The following LRRN2 variants were observed in gnomAD, a reference collection of about 807,000 sequenced individuals.
LRRN2 encodes leucine rich repeat neuronal 2, also known as leucine-rich repeat neuronal protein 2.
Under a neutral mutation model 35.7 loss-of-function variants are expected in LRRN2, and 10 were observed. That is an observed-to-expected ratio of 0.28 (90% confidence interval 0.17 to 0.47). The LOEUF is 0.47. Among genes scored for constraint, LRRN2 ranks in the 20% least tolerant of loss-of-function variants. LRRN2 has a pLI of 0.99. For missense variants in LRRN2, 731 were observed against 940.3 expected (o/e 0.78, Z 2.91); for synonymous variants, 391 against 409.6 (o/e 0.95, Z 0.55).
At chr1:204,636,265 T>C (rs1667831400) in intron 1 of LRRN2, among the ~76,000 whole-genome samples, 2 of 152,104 alleles carry the variant, frequency 1.3e-5, no homozygotes, top group African/African-American at 4.8e-5. Context: ...TAAATACACA[T>C]TGGATAATGA....
chr1:204,673,447 G>A (rs1184084386), intron 1 of LRRN2, among the ~76,000 whole-genome samples: 1 of 152,190 alleles, frequency 6.6e-6, no homozygotes, highest in African/African-American at 2.4e-5. Flanking sequence ...TAAGTGAAAT[G>A]AGGCTCAATG....
At chr1:204,657,337 T>TACACACACACACACACAC (rs201153877) in intron 1 of LRRN2, among the ~76,000 whole-genome samples, 11 of 106,568 alleles carry the variant, frequency 1.0e-4, no homozygotes, top group African/African-American at 4.8e-4. Flanking sequence ...TATATATGTA[T>TACACACACACACACACAC]ATATACACAC....
intron 1 of LRRN2, among the ~76,000 whole-genome samples, chr1:204,652,318 C>T (rs1236862278): frequency 1.4e-5 from 2 of 147,460 alleles, no homozygotes; most frequent in African/African-American, 5.0e-5. Context: ...CAGCTGCAGG[C>T]GCCTTGACAT....
rs1158942973 is a variant in LRRN2, at chr1:204,618,338, A to T, written c.1655T>A (p.Val552Glu). ...ACTGGACCAGGTGAGGTTGGTGGACACTGTGTTGGGTGGGGTGACCCAAGA... is the reference window on the plus strand; with the variant it reads ...ACTGGACCAGGTGAGGTTGGTGGACTCTGTGTTGGGTGGGGTGACCCAAGA... ...LLSWVTPPNT[V>E]STNLTWSSAS... The change falls in exon 2 of 2, where the codon GTG becomes GAG. Residue 552 changes from valine (V) to glutamate (E), a missense_variant. This residue lies in a region of LRRN2 where 229 missense variants were observed against 258.4 expected (regional missense o/e 0.89). Transcript: ENST00000367177. The T allele has an allele frequency of 3.5e-5, 56 of 1,594,192 alleles. No homozygotes were observed. The highest frequency in any genetic ancestry group is 4.7e-5 in the Non-Finnish European group (55 of 1,169,288).
intron 1 of LRRN2, among the ~76,000 whole-genome samples, chr1:204,630,641 C>T (rs1005795471): frequency 6.6e-6 from 1 of 152,020 alleles, no homozygotes; most frequent in Non-Finnish European, 1.5e-5. Context: ...CCCCACTAAC[C>T]GCAAGACAAT....
intron 1 of LRRN2, among the ~76,000 whole-genome samples, chr1:204,674,750 T>C (rs1191128510): frequency 6.6e-6 from 1 of 152,124 alleles, no homozygotes; most frequent in African/African-American, 2.4e-5. Flanking sequence ...TGGTGACCAG[T>C]TCCAGGACAA....
chr1:204,650,625 G>C (rs190774497), intron 1 of LRRN2, among the ~76,000 whole-genome samples: 2 of 152,308 alleles, frequency 1.3e-5, no homozygotes, highest in East Asian at 3.9e-4. Context: ...GCGGAGGGGT[G>C]TATGTAGGAA....
In LRRN2 at chr1:204,619,659, C is replaced by T. The variant is rs1447844116; in HGVS notation, c.334G>A (p.Asp112Asn). ...AGCAGCTGGGGCAGGGCATGGAAAT[C>T]ACAGTCTCGGGCATCCGAAAAGCTG... ...QNSFSDARDC[D>N]FHALPQLLSL... The change falls in exon 2 of 2, where the codon GAT becomes AAT. Residue 112 changes from aspartate (D) to asparagine (N), a missense_variant. Transcript: ENST00000367177. 1 of 1,614,078 alleles carries T rather than the reference C, an allele frequency of 6.2e-7. No individual in the cohort carries two copies.
chr1:204,624,751 C>T (rs1034152252), intron 1 of LRRN2, among the ~76,000 whole-genome samples: 18 of 56,536 alleles, frequency 3.2e-4, no homozygotes, highest in African/African-American at 7.2e-4. Context: ...GCGGTTCCCC[C>T]CCCACCCCCC....
intron 1 of LRRN2, among the ~76,000 whole-genome samples, chr1:204,673,329 G>A (rs1668751652): frequency 6.6e-6 from 1 of 152,108 alleles, no homozygotes; most frequent in Admixed American, 6.5e-5. Flanking sequence ...GACTTTTTAA[G>A]TTCTTTAATA....
chr1:204,619,589 T>C lies in LRRN2; in HGVS notation c.404A>G (p.His135Arg), dbSNP rs755109171. The C allele has an allele frequency of 6.2e-7, 1 of 1,614,040 alleles. No individual in the cohort carries two copies. Among genetic ancestry groups the C allele is most frequent in the Non-Finnish European group, 8.5e-7 (1 of 1,180,042 alleles). ...EENQLTRLED[H>R]SFAGLASLQE... ...TAGGCTGGCCAGCCCTGCAAAGCTGTGGTCCTCCAGCCGGGTCAGCTGGTT... is the reference window on the plus strand; with the variant it reads ...TAGGCTGGCCAGCCCTGCAAAGCTGCGGTCCTCCAGCCGGGTCAGCTGGTT... The change falls in exon 2 of 2, where the codon CAC becomes CGC. Residue 135 changes from histidine (H) to arginine (R), a missense_variant. Physicochemically the swap from His to Arg is conservative, Grantham distance 29. Coordinates refer to ENST00000367177, the MANE Select transcript of LRRN2 (RefSeq NM_201630.2).
Position 204,619,068 on chromosome 1 carries a change from G to T in LRRN2, c.925C>A (p.Leu309Ile), listed in dbSNP as rs759612557. 1 of 1,606,592 alleles carries T rather than the reference G, an allele frequency of 6.2e-7. No individual in the cohort carries two copies. Among genetic ancestry groups the T allele is most frequent in the Admixed American group, 1.7e-5 (1 of 59,596 alleles). ...VSIDKFALVNLPELTKLDITN... is the reference protein window; with the variant it reads ...VSIDKFALVNIPELTKLDITN... ...ATGTCCAGCTTGGTCAGCTCGGGGA[G>T]GTTCACCAGGGCAAACTTGTCGATG... The change falls in exon 2 of 2, where the codon CTC becomes ATC. Residue 309 changes from leucine to isoleucine, a missense_variant. Coordinates refer to ENST00000367177, the MANE Select transcript of LRRN2 (RefSeq NM_201630.2).
chr1:204,648,235 G>C (rs892522239), intron 1 of LRRN2, among the ~76,000 whole-genome samples: 2 of 152,218 alleles, frequency 1.3e-5, no homozygotes, highest in African/African-American at 4.8e-5. Flanking sequence ...AAATGTCAGA[G>C]AGGTGCAGCC....
intron 1 of LRRN2, among the ~76,000 whole-genome samples, chr1:204,677,812 C>T (rs1468400214): frequency 6.6e-6 from 1 of 152,292 alleles, no homozygotes. Flanking sequence ...AATGGATTTC[C>T]TTCTGGAAAG....
intron 1 of LRRN2, among the ~76,000 whole-genome samples, chr1:204,623,695 A>C (rs988702477): frequency 9.2e-5 from 14 of 152,196 alleles, no homozygotes; most frequent in African/African-American, 3.4e-4. Context: ...TTTCATCTGT[A>C]ATCTCCAGGG....
chr1:204,627,326 C>T (rs45501495), intron 1 of LRRN2: 46,812 of 152,094 alleles, frequency 0.31, 7,982 homozygotes, highest in East Asian at 0.55. Context: ...CTCGCCTGAC[C>T]TCCAGGGCTG....
chr1:204,681,431 A>G (rs530615476), intron 1 of LRRN2, among the ~76,000 whole-genome samples: 1 of 152,306 alleles, frequency 6.6e-6, no homozygotes, highest in East Asian at 1.9e-4. Context: ...AGTCCTCATG[A>G]CAGCTTTATG....
intron 1 of LRRN2, among the ~76,000 whole-genome samples, chr1:204,667,387 A>G (rs1034049773): frequency 1.3e-5 from 2 of 152,216 alleles, no homozygotes; most frequent in Admixed American, 1.3e-4. Flanking sequence ...AAGGTTAAAA[A>G]ACAACAATTT....
intron 1 of LRRN2, 117 bp from the exon 2 acceptor site, chr1:204,620,335 G>A: frequency 1.8e-6 from 1 of 569,994 alleles, no homozygotes; most frequent in Non-Finnish European, 2.6e-6. Flanking sequence ...GAGTGCAGCG[G>A]TGCACTCAGC....
Sources: allele counts gnomAD v4.1 joint callset (sites outside exome capture counted in the v4.1 genomes callset), GRCh38; gene constraint gnomAD v4.1.1; regional missense constraint gnomAD v4.1.1; transcripts MANE v1.5; gene names NCBI Gene and HGNC (gene_info 2026-07-23, HGNC 2026-07-21).